The following SLC44A3 variants were observed in gnomAD, a reference collection of about 807,000 sequenced individuals.
SLC44A3 encodes choline transporter-like protein 3.
A neutral mutation model predicts 75.4 loss-of-function variants in SLC44A3; 74 were observed. The observed-to-expected ratio is 0.98, with a 90% CI of 0.81 to 1.19. The LOEUF is 1.19. Ranked by LOEUF, SLC44A3 falls within the 50% of genes most tolerant of loss-of-function variation. The pLI is 0.00. For missense variants in SLC44A3, 700 were observed against 778.6 expected, an observed-to-expected ratio of 0.90 and a Z score of 1.20; for synonymous variants, 310 against 296.9, an observed-to-expected ratio of 1.04 and a Z score of -0.45.
intron 9 of SLC44A3, among the ~76,000 whole-genome samples, chr1:94,856,509 C>A (rs540822760): frequency 1.1e-3 from 175 of 152,254 alleles, no homozygotes; most frequent in African/African-American, 4.0e-3. Flanking sequence ...ATAACAAAGA[C>A]CCTTGTCTCT....
chr1:94,832,344 A>T (rs1337697010), intron 5 of SLC44A3, among the ~76,000 whole-genome samples: 1 of 152,112 alleles, frequency 6.6e-6, no homozygotes, highest in African/African-American at 2.4e-5. Context: ...TACATTCTGA[A>T]GTGTATTAAG....
At position 94,820,975 on chromosome 1, in the gene SLC44A3, A is replaced by G. The variant is rs115924939; in HGVS notation, c.54A>G (p.Gln18=). The G allele has an allele frequency of 1.4e-3, 2,109 of 1,551,452 alleles. 24 individuals are homozygous for G. In the African/African-American group the frequency reaches 0.026, roughly 19 times the overall value. Residue 18 remains glutamine, a synonymous_variant, in exon 2 of 15, where the codon CAA becomes CAG. Transcript: ENST00000271227. ...TTTCTGCAGAAGGAGCCCCTAGGCA[A>G]AGGGAGTGGCGACCCCAGATTTATA... The part of the protein sequence containing the change: ...YLVSAEGAPR[Q]REWRPQIYRK...
intron 8 of SLC44A3, among the ~76,000 whole-genome samples, chr1:94,844,426 T>C (rs911878906): frequency 1.3e-4 from 20 of 152,158 alleles, no homozygotes; most frequent in African/African-American, 4.6e-4. Flanking sequence ...CTAGGAAGGA[T>C]GCTGAAAGCA....
At chr1:94,874,528 G>A (rs1458360250) in intron 12 of SLC44A3, among the ~76,000 whole-genome samples, 1 of 152,212 alleles carries the variant, frequency 6.6e-6, no homozygotes, top group Non-Finnish European at 1.5e-5. Flanking sequence ...AATGTTTGTT[G>A]AATGAATTAT....
chr1:94,884,540 A>G (rs74809792), intron 12 of SLC44A3, among the ~76,000 whole-genome samples: 13,676 of 152,224 alleles, frequency 0.09, 724 homozygotes, highest in South Asian at 0.16. Context: ...AGTTTGTTTT[A>G]GTAGTTCTTG....
chr1:94,820,435 C>T lies in SLC44A3; in HGVS notation c.-17C>T. ...GGCGGCGGCTCCCAGTCACCGGCCC[C>T]CGCCGGCGAGCGCACGATGCACTGC... On this transcript the variant is annotated 5_prime_UTR_variant, in exon 1 of 15. Transcript: ENST00000271227. The T allele has an allele frequency of 2.7e-6, 4 of 1,456,648 alleles. No homozygotes were observed. Among genetic ancestry groups the T allele is most frequent in the Non-Finnish European group, 3.6e-6 (4 of 1,107,788 alleles). The allele number at this position is 1,456,648 out of a possible 1,614,324, so 90.2% of individuals were successfully genotyped here. A position where few individuals can be genotyped will look rare whatever the true frequency, so the allele number is the denominator to read the frequency against.
At chr1:94,839,381 T>C (rs747633116) in intron 6 of SLC44A3, among the ~76,000 whole-genome samples, 16 of 152,170 alleles carry the variant, frequency 1.1e-4, no homozygotes, top group East Asian at 7.7e-4. Flanking sequence ...ATAAAATTTT[T>C]TTTCTTTCTT....
intron 9 of SLC44A3, among the ~76,000 whole-genome samples, chr1:94,852,399 T>A (rs2101178782): frequency 6.6e-6 from 1 of 152,132 alleles, no homozygotes; most frequent in Middle Eastern, 3.4e-3. Flanking sequence ...CATAAGACCA[T>A]CTAAAGCAAG....
In SLC44A3 at chr1:94,895,161, T is replaced by C. The variant is rs1670630943; in HGVS notation, c.*239T>C. 7.6e-6 allele frequency: 3 copies of C among 392,940 alleles called. No individual in the cohort carries two copies. The highest frequency in any genetic ancestry group is 1.4e-5 in the Non-Finnish European group (3 of 215,252). 24.3% of individuals were successfully genotyped at this position (392,940 alleles called of 1,614,324 possible). A position where few individuals can be genotyped will look rare whatever the true frequency, so the allele number is the denominator to read the frequency against. On this transcript the variant is annotated 3_prime_UTR_variant, in exon 15 of 15. Coordinates refer to ENST00000271227, the MANE Select transcript of SLC44A3 (RefSeq NM_001114106.3). ...AAACTCTTCTAAAACCATGTTTATA[T>C]GCATCAACTTACAAAGTACACTATG...
intron 5 of SLC44A3, among the ~76,000 whole-genome samples, chr1:94,835,727 A>G (rs1345562227): frequency 6.6e-6 from 1 of 152,110 alleles, no homozygotes; most frequent in Non-Finnish European, 1.5e-5. Context: ...TAGAATTTTT[A>G]TTATCTTTGA....
intron 3 of SLC44A3, 97 bp downstream of exon 3, chr1:94,824,732 A>T: frequency 2.1e-6 from 3 of 1,401,620 alleles, no homozygotes; most frequent in Non-Finnish European, 2.9e-6. Context: ...CCCATTCAAA[A>T]CTCTGTCAGC....
chr1:94,827,718 C>G (rs1661561879), intron 4 of SLC44A3, 75 bp downstream of exon 4: 1 of 1,518,518 alleles, frequency 6.6e-7, no homozygotes. Flanking sequence ...GATCATTTAC[C>G]CTGACTCTGC....
At position 94,845,264 on chromosome 1, in the gene SLC44A3, C is replaced by G; in HGVS notation, c.886-14C>G. 1 of 1,581,730 alleles carries G rather than the reference C, an allele frequency of 6.3e-7. No individual in the cohort carries two copies. The highest frequency in any genetic ancestry group is 8.6e-7 in the Non-Finnish European group (1 of 1,164,604). ...TTATTTGGAAGTAATTTACTCAAAT[C>G]CCTTTCTCACCAGGCAGTGCTGCTC... On this transcript the variant is annotated splice_polypyrimidine_tract_variant and intron_variant, in intron 8 of 14. Coordinates refer to ENST00000271227, the MANE Select transcript of SLC44A3 (RefSeq NM_001114106.3).
In SLC44A3 at chr1:94,884,350, T is replaced by C. The variant is rs925953476; in HGVS notation, c.1483-6780T>C. Among the ~76,000 whole-genome samples the C allele has an allele frequency of 2.6e-5, 4 of 152,216 alleles. No individual in the cohort carries two copies. In the South Asian group the frequency reaches 8.3e-4, roughly 31 times the overall value. Reference sequence around the variant, plus strand: ...CACTGCCTCACTCCACATGTGTTTGTGATAAAAACAGGGCTCAAGATGAAA... The same window carrying C: ...CACTGCCTCACTCCACATGTGTTTGCGATAAAAACAGGGCTCAAGATGAAA... On this transcript the variant is annotated intron_variant, in intron 12 of 14. Transcript: ENST00000271227.
At chr1:94,857,202 A>T (rs902167146) in intron 9 of SLC44A3, 133 bp from the exon 10 acceptor site, 117 of 809,672 alleles carry the variant, frequency 1.4e-4, no homozygotes, top group Non-Finnish European at 3.6e-5. Flanking sequence ...ATTTTAAATT[A>T]TGGTGGGTAC....
rs34750325 is a variant in SLC44A3 at position 94,881,200 on chromosome 1, C to A, written c.1483-9930C>A. ...CTGGCCAGGCTGTCTGTCACCAGGC[C>A]TTCACCAAGCAGCCTGGCAGGGCAG... On this transcript the variant is annotated intron_variant, in intron 12 of 14. Coordinates refer to ENST00000271227, the MANE Select transcript of SLC44A3 (RefSeq NM_001114106.3). Among the ~76,000 whole-genome samples the A allele has an allele frequency of 3.0e-3, 456 of 152,312 alleles. 3 individuals carry two copies. The highest frequency in any genetic ancestry group is 5.0e-3 in the Non-Finnish European group (341 of 68,018).
chr1:94,890,704 C>G (rs1009512192), intron 12 of SLC44A3, among the ~76,000 whole-genome samples: 1 of 152,126 alleles, frequency 6.6e-6, no homozygotes, highest in East Asian at 1.9e-4. Context: ...AACTTATCGC[C>G]AGGGTGGTGG....
intron 11 of SLC44A3, among the ~76,000 whole-genome samples, chr1:94,866,453 T>C (rs1242201564): frequency 1.3e-5 from 2 of 152,162 alleles, no homozygotes; most frequent in Admixed American, 6.5e-5. Flanking sequence ...TGTCCTTTCT[T>C]AGGTTAAAAA....
At chr1:94,867,593 A>C (rs1667312865) in intron 12 of SLC44A3, among the ~76,000 whole-genome samples, 176 bp downstream of exon 12, 1 of 152,264 alleles carries the variant, frequency 6.6e-6, no homozygotes, top group African/African-American at 2.4e-5. Flanking sequence ...GCAGGAAAGC[A>C]GCCATAGGTA....
Sources: gnomAD v4.1 joint callset for allele counts (sites outside exome capture counted in the v4.1 genomes callset) on GRCh38, gnomAD v4.1.1 for gene constraint, MANE v1.5 for transcripts, NCBI Gene and HGNC (gene_info 2026-07-23, HGNC 2026-07-21) for gene names.